The following DMD variants were observed in gnomAD, a reference collection of about 807,000 sequenced individuals.
The protein encoded by DMD is mutant dystrophin.
DMD carries 63 observed loss-of-function variants against 330.1 expected under a neutral mutation model. The ratio of observed to expected loss-of-function variants is 0.19; its 90% CI spans 0.16 to 0.24. The LOEUF is 0.24. Ranked by LOEUF, DMD falls within the 10% of genes least tolerant of loss-of-function variation. The pLI, the probability that DMD is intolerant of heterozygous loss-of-function variation, is 1.00. For missense variants in DMD, 3,344 were observed against 2,684.1 expected (o/e 1.25, Z -5.43); for synonymous variants, 1,223 against 959.8 (o/e 1.27, Z -5.07).
At chrX:33,090,977 G>GA (rs2095078391) in intron 1 of DMD, among the ~76,000 whole-genome samples, 1 of 110,839 alleles carries the variant, frequency 9.0e-6, no homozygotes, top group East Asian at 2.9e-4. Context: ...GCGAGAAGCT[G>GA]ATCTCAAGCC....
At position 31,121,753 on chromosome X, in the gene DMD, C is replaced by A; in HGVS notation, c.*166G>T. On this transcript the variant is annotated 3_prime_UTR_variant, in exon 79 of 79. Coordinates refer to ENST00000357033, the MANE Select transcript of DMD (RefSeq NM_004006.3). The stretch of plus-strand genomic sequence containing the variant: ...CCTTCACAAAAATATAGATTTATTT[C>A]TTGTAAACTCTTACTGTCTAATCCT... The A allele has an allele frequency of 1.3e-6, 1 of 742,312 alleles. No individual in the cohort carries two copies. Among genetic ancestry groups the A allele is most frequent in the South Asian group, 2.2e-5 (1 of 46,373 alleles). 61.2% of individuals were successfully genotyped at this position (742,312 alleles called of 1,213,427 possible).
intron 55 of DMD, among the ~76,000 whole-genome samples, chrX:31,574,268 T>C (rs142620239): frequency 0.066 from 7,019 of 105,621 alleles, 211 homozygotes; most frequent in African/African-American, 0.11. Flanking sequence ...CTCAGCCTCC[T>C]GAGTAGCTGG....
chrX:33,296,464 G>GA (rs1244690171), intron 1 of DMD, among the ~76,000 whole-genome samples: 3 of 109,993 alleles, frequency 2.7e-5, no homozygotes, highest in South Asian at 3.8e-4. Flanking sequence ...GAAGAAAAAA[G>GA]AAAAAAATAA....
At chrX:31,418,831 G>A (rs760002394) in intron 60 of DMD, among the ~76,000 whole-genome samples, 4 of 112,699 alleles carry the variant, frequency 3.5e-5, no homozygotes, top group African/African-American at 6.4e-5. Context: ...AAATGTCTTA[G>A]ATTGGTAACT....
intron 4 of DMD, among the ~76,000 whole-genome samples, chrX:32,834,157 G>T (rs750881290): frequency 9.0e-6 from 1 of 111,541 alleles, no homozygotes; most frequent in African/African-American, 3.2e-5. Flanking sequence ...CCCTATAGTT[G>T]ATAAGTTACA....
intron 9 of DMD, among the ~76,000 whole-genome samples, chrX:32,655,385 T>A (rs1205220622): frequency 2.7e-5 from 3 of 112,434 alleles, no homozygotes; most frequent in Non-Finnish European, 5.6e-5. Context: ...CTGCCTTCAT[T>A]TCGTTATGTA....
intron 1 of DMD, among the ~76,000 whole-genome samples, chrX:33,192,182 T>C (rs750758506): frequency 2.7e-5 from 3 of 112,074 alleles, no homozygotes; most frequent in Non-Finnish European, 5.6e-5. Context: ...TTCACCTTCT[T>C]TGGCCTTTTT....
intron 37 of DMD, among the ~76,000 whole-genome samples, chrX:32,358,665 T>C (rs1365206729): frequency 9.0e-6 from 1 of 111,569 alleles, no homozygotes; most frequent in Admixed American, 9.5e-5. Flanking sequence ...ATTCATCCAC[T>C]TCATTATCTT....
At chrX:31,926,648 C>T (rs1480725734) in intron 47 of DMD, among the ~76,000 whole-genome samples, 1 of 109,638 alleles carries the variant, frequency 9.1e-6, no homozygotes, top group East Asian at 2.9e-4. Flanking sequence ...TGCACTGCAG[C>T]CTGGATGACA....
chrX:31,832,287 G>C (rs959844847), intron 49 of DMD, among the ~76,000 whole-genome samples: 3 of 111,933 alleles, frequency 2.7e-5, no homozygotes, highest in Non-Finnish European at 3.8e-5. Flanking sequence ...CATCTTTTGT[G>C]AGTAATATAT....
intron 2 of DMD, among the ~76,000 whole-genome samples, chrX:32,965,366 T>C (rs1428907527): frequency 1.8e-5 from 2 of 109,228 alleles, no homozygotes; most frequent in African/African-American, 3.3e-5. Flanking sequence ...TGGTGGCGCA[T>C]GCCTGTAGTA....
chrX:32,252,773 AATATATATAAAT>A (rs1389390430), intron 43 of DMD, among the ~76,000 whole-genome samples: 13 of 35,859 alleles, frequency 3.6e-4, no homozygotes, highest in African/African-American at 8.2e-4. Flanking sequence ...AATATATATA[AATATATATAAAT>A]ATATATAAAT....
At chrX:31,150,521 A>G (rs886615007) in intron 74 of DMD, among the ~76,000 whole-genome samples, 4 of 112,296 alleles carry the variant, frequency 3.6e-5, no homozygotes, top group Non-Finnish European at 7.5e-5. Flanking sequence ...ATAAATACCA[A>G]AATAAGATGA....
At chrX:31,482,239 G>T (rs1485586735) in intron 57 of DMD, among the ~76,000 whole-genome samples, 1 of 104,072 alleles carries the variant, frequency 9.6e-6, no homozygotes, top group East Asian at 3.0e-4. Context: ...GTGTGTGTGG[G>T]GGGGGTGTTC....
At chrX:31,540,279 T>G (rs754352492) in intron 55 of DMD, among the ~76,000 whole-genome samples, 4 of 112,227 alleles carry the variant, frequency 3.6e-5, no homozygotes, top group Non-Finnish European at 5.6e-5. Flanking sequence ...CACTACTCAC[T>G]AGACTCTTTT....
intron 76 of DMD, among the ~76,000 whole-genome samples, chrX:31,138,177 G>A (rs1351444449): frequency 8.9e-6 from 1 of 111,736 alleles, no homozygotes; most frequent in East Asian, 2.8e-4. Context: ...ATATGGCCCA[G>A]GTAGCTTGCT....
intron 7 of DMD, among the ~76,000 whole-genome samples, chrX:32,786,303 T>C (rs1056285816): frequency 5.4e-5 from 6 of 110,160 alleles, no homozygotes; most frequent in Non-Finnish European, 1.1e-4. Context: ...GGGATTTCAA[T>C]CTAGATAAGA....
At chrX:32,230,141 C>A (rs752271087) in intron 43 of DMD, among the ~76,000 whole-genome samples, 19 of 111,890 alleles carry the variant, frequency 1.7e-4, no homozygotes, top group Non-Finnish European at 2.8e-4. Context: ...TTAATTTTTG[C>A]AGATTCAAAT....
intron 7 of DMD, among the ~76,000 whole-genome samples, chrX:32,780,931 A>C (rs1486622051): frequency 9.8e-6 from 1 of 102,384 alleles, no homozygotes; most frequent in Admixed American, 1.0e-4. Context: ...CTCTACTAAA[A>C]ATAAAAAAAA....
Sources: allele counts gnomAD v4.1 joint callset (sites outside exome capture counted in the v4.1 genomes callset), GRCh38; gene constraint gnomAD v4.1.1; transcripts MANE v1.5; gene names NCBI Gene and HGNC (gene_info 2026-07-23, HGNC 2026-07-21).